PSG8: variants seen among roughly 807,000 people sequenced by gnomAD.
PSG8 encodes the protein pregnancy-specific beta-1-glycoprotein 8.
A neutral mutation model predicts 42.5 loss-of-function variants in PSG8; 57 were observed. That is an observed-to-expected ratio of 1.34 (90% CI 1.08 to 1.67). The LOEUF (loss-of-function observed/expected upper bound fraction) is 1.67, where lower values mean the gene tolerates loss of function less well. PSG8 is among the 40% of genes most tolerant of loss of function. The pLI, the probability that PSG8 is intolerant of heterozygous loss-of-function variation, is 0.00. For synonymous variants in PSG8, 280 were observed against 196.8 expected (o/e 1.42, Z -3.54); for missense variants, 783 against 518.6 (o/e 1.51, Z -4.95).
In PSG8 at chr19:42,762,342, T is replaced by TC. The variant is rs1970097915; in HGVS notation, c.430+1573_430+1574insG. Among the ~76,000 whole-genome samples, 4 of 152,018 alleles carry TC rather than the reference T, an allele frequency of 2.6e-5. No homozygotes were observed. The South Asian group carries it at 8.3e-4, about 32-fold the overall frequency. On this transcript the variant is annotated intron_variant, in intron 2 of 4. Coordinates refer to ENST00000306511, the MANE Select transcript of PSG8 (RefSeq NM_182707.3). ...TCCACAGTCCAGGACCAAAGAGCCCTGAGAACCCTCCAGTGGCCAAAGAGC... is the reference window on the plus strand; with the variant it reads ...TCCACAGTCCAGGACCAAAGAGCCCTCGAGAACCCTCCAGTGGCCAAAGAGC...
downstream of PSG8, chr19:42,753,357 A>C: frequency 1.3e-6 from 1 of 780,490 alleles, no homozygotes; most frequent in Non-Finnish European, 2.4e-6. Flanking sequence ...GAACTAGTAG[A>C]ATTCAGGGTA....
intron 2 of PSG8, among the ~76,000 whole-genome samples, chr19:42,763,348 C>T (rs1970124677): frequency 6.6e-6 from 1 of 152,118 alleles, no homozygotes; most frequent in Non-Finnish European, 1.5e-5. Context: ...AAACTCTGTC[C>T]TTGCCCAGAT....
chr19:42,764,528 C>A (rs1410114219), intron 1 of PSG8, among the ~76,000 whole-genome samples: 14 of 151,984 alleles, frequency 9.2e-5, no homozygotes, highest in Non-Finnish European at 1.9e-4. Context: ...ACACTTCTGA[C>A]CTTGGCATTT....
intron 3 of PSG8, 100 bp downstream of exon 3, chr19:42,757,902 G>T: frequency 6.2e-7 from 1 of 1,612,456 alleles, no homozygotes; most frequent in Non-Finnish European, 8.5e-7. Context: ...CAGGGGTAAA[G>T]GTCTCTGTAC....
intron 4 of PSG8, 69 bp downstream of exon 4, chr19:42,754,919 G>A: frequency 6.4e-7 from 1 of 1,572,166 alleles, no homozygotes; most frequent in Non-Finnish European, 8.6e-7. Context: ...GAGAGAGTGA[G>A]AGGCCTGGCC....
intron 2 of PSG8, among the ~76,000 whole-genome samples, chr19:42,762,084 G>A (rs1410642220): frequency 6.6e-6 from 1 of 151,590 alleles, no homozygotes; most frequent in East Asian, 1.9e-4. Flanking sequence ...TGGGAGGTGG[G>A]CCAGGCCACA....
In PSG8 at chr19:42,754,272, C is replaced by T. The variant is rs745973781; in HGVS notation, c.*23G>A. 114 of 1,608,650 alleles carry T rather than the reference C, an allele frequency of 7.1e-5. No individual in the cohort carries two copies. Among genetic ancestry groups the T allele is most frequent in the Non-Finnish European group, 9.3e-5 (109 of 1,177,420 alleles). On this transcript the variant is annotated 3_prime_UTR_variant, in exon 5 of 5. Transcript: ENST00000306511. Reference sequence around the variant, plus strand: ...AATAAAAATGTTTTCCTGACTCTTCCCTGAAGGCCAGATAGACTCCACCTA... The same window carrying T: ...AATAAAAATGTTTTCCTGACTCTTCTCTGAAGGCCAGATAGACTCCACCTA...
At chr19:42,762,682 G>A (rs1355740553) in intron 2 of PSG8, among the ~76,000 whole-genome samples, 1 of 151,992 alleles carries the variant, frequency 6.6e-6, no homozygotes, top group Non-Finnish European at 1.5e-5. Context: ...CAGGATTTCA[G>A]GTTCAGTGAT....
At chr19:42,762,856 A>C (rs1275258034) in intron 2 of PSG8, among the ~76,000 whole-genome samples, 1 of 152,076 alleles carries the variant, frequency 6.6e-6, no homozygotes, top group Non-Finnish European at 1.5e-5. Flanking sequence ...CCAATAAATG[A>C]CTATGGGGTG....
Position 42,765,567 on chromosome 19 carries a change from T to C in PSG8, c.15A>G (p.Ser5=). The change falls in exon 1 of 5, where the codon TCA becomes TCG. Residue 5 remains serine, a synonymous_variant. Coordinates refer to ENST00000306511, the MANE Select transcript of PSG8 (RefSeq NM_182707.3). MGLL[S]APPCTQRITW... is the part of the protein sequence containing the mutation. The stretch of plus-strand genomic sequence containing the variant: ...TGATGCGCTGTGTGCAGGGAGGGGC[T>C]GAGAGGAGCCCCATGGTCTCTGCTG... 6.2e-7 allele frequency: 1 copy of C among 1,611,122 alleles called. No homozygotes were observed. Among genetic ancestry groups the C allele is most frequent in the Non-Finnish European group, 8.5e-7 (1 of 1,178,054 alleles).
chr19:42,763,900 A>C lies in PSG8; in HGVS notation c.430+16T>G, dbSNP rs781630576. ...CCCTGTCCCCCAACACCCAGGGATC[A>C]TGTGGAATCACTCACGATATAAGGT... On this transcript the variant is annotated intron_variant, in intron 2 of 4. Coordinates refer to ENST00000306511, the MANE Select transcript of PSG8 (RefSeq NM_182707.3). The C allele has an allele frequency of 6.2e-6, 10 of 1,613,628 alleles. No homozygotes were observed. In the Admixed American group the frequency reaches 1.5e-4, roughly 24 times the overall value.
Position 42,754,295 on chromosome 19 carries a change from C to A in PSG8, c.1281G>T (p.Ter427TyrextTer?), listed in dbSNP as rs1337295823. 5.0e-6 allele frequency: 8 copies of A among 1,613,010 alleles called. No homozygotes were observed. The highest frequency in any genetic ancestry group is 6.8e-6 in the Non-Finnish European group (8 of 1,179,566). The change falls in exon 5 of 5, where the codon TAG becomes TAT. Residue 427 changes from the stop codon to tyrosine (Y), a stop_lost. Transcript: ENST00000306511. ...TCCCTGAAGGCCAGATAGACTCCAC[C>A]TAAATCCCTATTGCCAAGGATACTG... The part of the protein sequence containing the change: ...RIPVSLAIGI[*>Y]
At chr19:42,755,588 C>T (rs968395446) in intron 3 of PSG8, 58 of 469,634 alleles carry the variant, frequency 1.2e-4, no homozygotes, top group Non-Finnish European at 1.8e-4. Context: ...CTGGCTGGCT[C>T]ACCCTGGGTT....
downstream of PSG8, chr19:42,753,525 G>C: frequency 1.5e-6 from 1 of 645,678 alleles, no homozygotes; most frequent in East Asian, 2.7e-5. Context: ...AAGTTTGTTT[G>C]CAAAATAGGT....
intron 2 of PSG8, among the ~76,000 whole-genome samples, chr19:42,760,400 C>G (rs1450974562): frequency 6.6e-6 from 1 of 152,122 alleles, no homozygotes; most frequent in Non-Finnish European, 1.5e-5. Context: ...TTAAAAATTG[C>G]TATTGTCAAA....
In PSG8 at chr19:42,754,441, G is replaced by A. The variant is rs1969860210; in HGVS notation, c.1135C>T (p.Leu379Phe). ...NGKFQLSGQK[L>F]FIPQITTKHS... Reference sequence around the variant, plus strand: ...TTTGTAGTAATTTGGGGGATAAAGAGCTTTTGTCCTGATAGCTGAAACTTC... The same window carrying A: ...TTTGTAGTAATTTGGGGGATAAAGAACTTTTGTCCTGATAGCTGAAACTTC... Residue 379 changes from leucine to phenylalanine, a missense_variant, in exon 5 of 5, where the codon CTC (leucine) becomes TTC (phenylalanine). Transcript: ENST00000306511. The A allele has an allele frequency of 7.4e-6, 12 of 1,613,774 alleles. No homozygotes were observed. The highest frequency in any genetic ancestry group is 1.0e-5 in the Non-Finnish European group (12 of 1,179,850).
At chr19:42,757,132 G>T (rs4030922) in intron 3 of PSG8, among the ~76,000 whole-genome samples, 1 of 151,350 alleles carries the variant, frequency 6.6e-6, no homozygotes, top group East Asian at 1.9e-4. Context: ...ATTTCCTTTC[G>T]GATTGTTCAT....
At chr19:42,753,386 G>A (rs1438789841), downstream of PSG8, 4 of 779,980 alleles carry the variant, frequency 5.1e-6, no homozygotes, top group Non-Finnish European at 9.6e-6. Flanking sequence ...TCTACAGGTG[G>A]ATAATAAAAA....
At chr19:42,760,710 G>A (rs1055145898) in intron 2 of PSG8, among the ~76,000 whole-genome samples, 2 of 152,158 alleles carry the variant, frequency 1.3e-5, no homozygotes, top group Admixed American at 1.3e-4. Context: ...AGCCTCCCAA[G>A]TAGCTGGGAC....
Sources: allele counts gnomAD v4.1 joint callset (sites outside exome capture counted in the v4.1 genomes callset), GRCh38; gene constraint gnomAD v4.1.1; transcripts MANE v1.5; gene names NCBI Gene and HGNC (gene_info 2026-07-23, HGNC 2026-07-21).